Variants in GGNBP2 observed in about 807,000 individuals in gnomAD.
The protein encoded by GGNBP2 is gametogenetin binding protein 2.
In GGNBP2, 10 loss-of-function variants were observed where a neutral mutation model predicts 85.9. The ratio of observed to expected loss-of-function variants is 0.12; its 90% CI spans 0.07 to 0.20. The LOEUF (loss-of-function observed/expected upper bound fraction) is 0.20. GGNBP2 is among the 10% of genes least tolerant of loss of function. The pLI, the probability that GGNBP2 is intolerant of heterozygous loss-of-function variation, is 1.00. For synonymous variants in GGNBP2, 287 were observed against 285.7 expected (o/e 1.00, Z -0.05); for missense variants, 595 against 857.8 (o/e 0.69, Z 3.83).
intron 6 of GGNBP2, among the ~76,000 whole-genome samples, chr17:36,571,596 C>T (rs1555606834): frequency 6.6e-6 from 1 of 152,050 alleles, no homozygotes; most frequent in Admixed American, 6.6e-5. Flanking sequence ...AATCCCAGCA[C>T]TTTGGGAGGC....
chr17:36,578,438 T>TC (rs552623687), intron 7 of GGNBP2: 65 of 420,028 alleles, frequency 1.5e-4, no homozygotes, highest in African/African-American at 1.1e-3. Flanking sequence ...TTTTTGGCTT[T>TC]CATTGTTACA....
intron 6 of GGNBP2, among the ~76,000 whole-genome samples, chr17:36,573,739 ATC>A (rs1555607240): frequency 6.6e-6 from 1 of 152,110 alleles, no homozygotes; most frequent in African/African-American, 2.4e-5. Flanking sequence ...TTAAGGTGAT[ATC>A]TCATTGTGTT....
chr17:36,575,648 AT>A (rs71274856), intron 6 of GGNBP2, among the ~76,000 whole-genome samples: 2 of 54,910 alleles, frequency 3.6e-5, no homozygotes, highest in East Asian at 6.3e-4. Context: ...ATATATATAT[AT>A]TTTTTTTTTT....
At chr17:36,545,464 C>T (rs1359102164) in intron 1 of GGNBP2, 155 bp from the exon 2 acceptor site, 8 of 404,428 alleles carry the variant, frequency 2.0e-5, no homozygotes, top group Non-Finnish European at 3.5e-5. Context: ...CGGGTCCCGG[C>T]GGCGCTGGGC....
chr17:36,586,816 A>T lies in GGNBP2; in HGVS notation c.1642-181A>T, dbSNP rs2074706143. 8.9e-6 allele frequency: 5 copies of T among 562,776 alleles called. No individual in the cohort carries two copies. In the East Asian group the frequency reaches 1.5e-4, roughly 17 times the overall value. The allele number at this position is 562,776 out of a possible 1,614,324, so 34.9% of individuals were successfully genotyped here. On this transcript the variant is annotated intron_variant, in intron 12 of 13. Coordinates refer to ENST00000613102, the MANE Select transcript of GGNBP2 (RefSeq NM_024835.5). ...GCATTTTTAGTAGAGATGGCATTTGACCATGTTGGCCAGGCTGGTCTTGAA... is the reference window on the plus strand; with the variant it reads ...GCATTTTTAGTAGAGATGGCATTTGTCCATGTTGGCCAGGCTGGTCTTGAA...
intron 6 of GGNBP2, among the ~76,000 whole-genome samples, chr17:36,570,082 T>A (rs2074508037): frequency 6.6e-6 from 1 of 152,138 alleles, no homozygotes. Flanking sequence ...TTTGTCTTCT[T>A]TAAAACAAAC....
chr17:36,584,092 T>C (rs2074677235), intron 9 of GGNBP2, among the ~76,000 whole-genome samples: 2 of 152,240 alleles, frequency 1.3e-5, no homozygotes, highest in Admixed American at 6.5e-5. Context: ...GTTGTTTCAA[T>C]GTTTGAGTTT....
In GGNBP2 at chr17:36,589,495, CTT is replaced by C. The variant is rs1234256354; in HGVS notation, c.*85_*86del. ...TTTCGAAAAACTCTTAATTTAGTGA[CTT>C]ATGGCAAAATTTTATCTTAAATCAA... On this transcript the variant is annotated 3_prime_UTR_variant, in exon 14 of 14. Coordinates refer to ENST00000613102, the MANE Select transcript of GGNBP2 (RefSeq NM_024835.5). 5.0e-6 allele frequency: 5 copies of C among 994,132 alleles called. No homozygotes were observed. The highest frequency in any genetic ancestry group is 1.4e-5 in the South Asian group (1 of 70,756). 61.6% of individuals were successfully genotyped at this position (994,132 alleles called of 1,614,324 possible). A position where few individuals can be genotyped will look rare whatever the true frequency, so the allele number is the denominator to read the frequency against.
At chr17:36,563,262 G>A (rs1394525757) in intron 5 of GGNBP2, among the ~76,000 whole-genome samples, 1 of 151,884 alleles carries the variant, frequency 6.6e-6, no homozygotes, top group East Asian at 1.9e-4. Flanking sequence ...GTGAGACTTT[G>A]TCTCGAAATA....
At position 36,544,956 on chromosome 17, in the gene GGNBP2, G is replaced by A. The variant is rs2074233688; in HGVS notation, c.-248G>A. On this transcript the variant is annotated 5_prime_UTR_variant, in exon 1 of 14. Coordinates refer to ENST00000613102, the MANE Select transcript of GGNBP2 (RefSeq NM_024835.5). ...CGCGAGCGGCTGACTGCCCGTAGAG[G>A]AAACGACATTCGGAGCTGCGCTCCC... 6.5e-6 allele frequency: 1 copy of A among 152,740 alleles called. No homozygotes were observed. Among genetic ancestry groups the A allele is most frequent in the African/African-American group, 2.4e-5 (1 of 41,430 alleles). The allele number at this position is 152,740 out of a possible 1,614,324, so 9.5% of individuals were successfully genotyped here.
At position 36,560,768 on chromosome 17, in the gene GGNBP2, A is replaced by C. The variant is rs771499838; in HGVS notation, c.429-5A>C. 1 of 1,446,758 alleles carries C rather than the reference A, an allele frequency of 6.9e-7. No individual in the cohort carries two copies. The highest frequency in any genetic ancestry group is 9.5e-7 in the Non-Finnish European group (1 of 1,051,048). 89.6% of individuals were successfully genotyped at this position (1,446,758 alleles called of 1,614,324 possible). On this transcript the variant is annotated splice_region_variant and splice_polypyrimidine_tract_variant and intron_variant, in intron 4 of 13. Transcript: ENST00000613102. ...AAACCCTTAATATGTTTTATTTTTAATTAGGTCCAAACTAAATGACATGAT... is the reference window on the plus strand; with the variant it reads ...AAACCCTTAATATGTTTTATTTTTACTTAGGTCCAAACTAAATGACATGAT...
chr17:36,545,836 G>A lies in GGNBP2; in HGVS notation c.93+19G>A. On this transcript the variant is annotated intron_variant, in intron 2 of 13. Transcript: ENST00000613102. ...CCTGACGGTGAGCGGGCCGGGCCGG[G>A]CTGGGCCCGCCGCTCCCCTGGCAGC... 1 of 1,499,358 alleles carries A rather than the reference G, an allele frequency of 6.7e-7. No individual in the cohort carries two copies. Among genetic ancestry groups the A allele is most frequent in the Non-Finnish European group, 9.0e-7 (1 of 1,109,952 alleles). The allele number at this position is 1,499,358 out of a possible 1,614,324, so 92.9% of individuals were successfully genotyped here. A position where few individuals can be genotyped will look rare whatever the true frequency, so the allele number is the denominator to read the frequency against.
intron 4 of GGNBP2, 110 bp downstream of exon 4, chr17:36,557,446 A>AT: frequency 1.1e-6 from 1 of 941,606 alleles, no homozygotes; most frequent in Non-Finnish European, 1.6e-6. Flanking sequence ...TAATAATTTT[A>AT]TTGAGTAAGT....
chr17:36,587,289 C>T (rs3744593), intron 13 of GGNBP2, 44 bp downstream of exon 13: 675,676 of 1,597,382 alleles, frequency 0.42, 145,506 homozygotes, highest in Middle Eastern at 0.45. Flanking sequence ...TGTTTGGGAA[C>T]GGGGTGGATG....
At chr17:36,549,207 GTT>G (rs554924934) in intron 2 of GGNBP2, among the ~76,000 whole-genome samples, 1 of 147,068 alleles carries the variant, frequency 6.8e-6, no homozygotes, top group East Asian at 2.0e-4. Context: ...AAGAATTAAA[GTT>G]TTTTTTTTTT....
intron 6 of GGNBP2, among the ~76,000 whole-genome samples, chr17:36,572,391 T>C (rs1464286601): frequency 1.3e-5 from 2 of 152,194 alleles, no homozygotes; most frequent in Non-Finnish European, 1.5e-5. Flanking sequence ...CGTATGTGTA[T>C]ATTTTAAAAG....
chr17:36,554,214 C>G (rs1476089381), intron 2 of GGNBP2, among the ~76,000 whole-genome samples: 1 of 145,018 alleles, frequency 6.9e-6, no homozygotes, highest in Non-Finnish European at 1.5e-5. Flanking sequence ...GAGGCTGAGG[C>G]AGGAGAATTG....
At chr17:36,570,983 G>A (rs1012494051) in intron 6 of GGNBP2, among the ~76,000 whole-genome samples, 1 of 152,174 alleles carries the variant, frequency 6.6e-6, no homozygotes, top group Admixed American at 6.5e-5. Flanking sequence ...TTGTGCTACT[G>A]CACTCAAGCC....
intron 5 of GGNBP2, among the ~76,000 whole-genome samples, chr17:36,566,941 G>A (rs2074474640): frequency 6.6e-6 from 1 of 152,018 alleles, no homozygotes; most frequent in African/African-American, 2.4e-5. Context: ...TGAGGTGGGA[G>A]AATGGCTTGA....
Sources: allele counts gnomAD v4.1 joint callset (sites outside exome capture counted in the v4.1 genomes callset), GRCh38; gene constraint gnomAD v4.1.1; transcripts MANE v1.5; gene names NCBI Gene and HGNC (gene_info 2026-07-23, HGNC 2026-07-21).